NKAIN3: variants seen among roughly 807,000 people sequenced by gnomAD.
The protein encoded by NKAIN3 is sodium/potassium transporting ATPase interacting 3, also known as sodium/potassium-transporting ATPase subunit beta-1-interacting protein 3.
Under a neutral mutation model 30.2 loss-of-function variants are expected in NKAIN3, and 25 were observed. The observed-to-expected ratio is 0.83, with a 90% CI of 0.60 to 1.16. The LOEUF (loss-of-function observed/expected upper bound fraction) is 1.16. NKAIN3 is among the 50% of genes most tolerant of loss of function. NKAIN3 has a pLI of 0.00. For missense variants in NKAIN3, 225 were observed against 254.1 expected (o/e 0.89, Z 0.78); for synonymous variants, 91 against 89.6 (o/e 1.02, Z -0.09).
At chr8:62,746,862 TA>T in intron 3 of NKAIN3, 69 bp from the exon 4 acceptor site, 1 of 1,115,416 alleles carries the variant, frequency 9.0e-7, no homozygotes, top group Non-Finnish European at 1.3e-6. Context: ...GAATTCTTCC[TA>T]AGGTCAAAGT....
intron 1 of NKAIN3, among the ~76,000 whole-genome samples, chr8:62,571,500 G>A (rs1809938077): frequency 6.6e-6 from 1 of 152,060 alleles, no homozygotes; most frequent in Non-Finnish European, 1.5e-5. Context: ...CCATTCTGGG[G>A]TCTGGAGGAT....
chr8:62,801,380 G>A (rs1003888860), intron 4 of NKAIN3, among the ~76,000 whole-genome samples: 2 of 152,294 alleles, frequency 1.3e-5, no homozygotes, highest in East Asian at 3.9e-4. Context: ...GATAGGGGCA[G>A]ACTGACACCT....
intron 4 of NKAIN3, among the ~76,000 whole-genome samples, chr8:62,813,073 T>C (rs1029000714): frequency 6.6e-6 from 1 of 151,958 alleles, no homozygotes; most frequent in African/African-American, 2.4e-5. Context: ...TGATATCCAA[T>C]TTTCCTGGCA....
At chr8:62,352,166 A>ATGTTTAG (rs895158402) in intron 1 of NKAIN3, among the ~76,000 whole-genome samples, 4 of 152,096 alleles carry the variant, frequency 2.6e-5, no homozygotes, top group African/African-American at 9.7e-5. Flanking sequence ...GCAGGAAGGG[A>ATGTTTAG]TGTTTAGGGA....
intron 4 of NKAIN3, among the ~76,000 whole-genome samples, chr8:62,759,844 G>C (rs566844911): frequency 3.3e-4 from 50 of 152,150 alleles, no homozygotes; most frequent in African/African-American, 1.1e-3. Context: ...TACAAAATGG[G>C]AGAAAATTTT....
At chr8:62,656,974 T>C (rs1379567667) in intron 3 of NKAIN3, among the ~76,000 whole-genome samples, 1 of 152,204 alleles carries the variant, frequency 6.6e-6, no homozygotes, top group African/African-American at 2.4e-5. Context: ...CAAAAGGGTA[T>C]TCTTTGTGTT....
Position 62,316,493 on chromosome 8 carries a change from T to A in NKAIN3, c.54+67366T>A, listed in dbSNP as rs1005752327. On this transcript the variant is annotated intron_variant, in intron 1 of 6. Transcript: ENST00000623646. The stretch of plus-strand genomic sequence containing the variant: ...CCTTCCTGTGTCCATGTGTTCTCAT[T>A]GTTCAATTCCCACCTATAAGTGAGA... Among the ~76,000 whole-genome samples the A allele has an allele frequency of 5.3e-5, 8 of 152,016 alleles. No homozygotes were observed. The East Asian group carries it at 1.5e-3, about 29-fold the overall frequency.
At chr8:62,394,286 T>C (rs1563378335) in intron 1 of NKAIN3, among the ~76,000 whole-genome samples, 1 of 152,310 alleles carries the variant, frequency 6.6e-6, no homozygotes, top group East Asian at 1.9e-4. Flanking sequence ...TCTTGTTAAA[T>C]GTTTTTTCTT....
At chr8:62,523,788 T>A (rs927960623) in intron 1 of NKAIN3, among the ~76,000 whole-genome samples, 1 of 151,974 alleles carries the variant, frequency 6.6e-6, no homozygotes, top group African/African-American at 2.4e-5. Context: ...CCATAGCAAG[T>A]GTGTATCGCG....
At chr8:62,302,535 T>TGG (rs1424753743) in intron 1 of NKAIN3, among the ~76,000 whole-genome samples, 1 of 152,118 alleles carries the variant, frequency 6.6e-6, no homozygotes, top group African/African-American at 2.4e-5. Context: ...GCTTATACTT[T>TGG]GTTATAGTCA....
At chr8:62,846,123 TA>T (rs200911559) in intron 4 of NKAIN3, among the ~76,000 whole-genome samples, 1,567 of 151,760 alleles carry the variant, frequency 0.01, 21 homozygotes, top group African/African-American at 0.036. Flanking sequence ...GGAATAAAGA[TA>T]AAAAAAACAC....
chr8:62,385,851 CTGTGTGCATCAGTA>C (rs1169475790), intron 1 of NKAIN3, among the ~76,000 whole-genome samples: 3 of 152,302 alleles, frequency 2.0e-5, no homozygotes, highest in African/African-American at 7.2e-5. Context: ...TCATAGGTTA[CTGTGTGCATCAGTA>C]TGTGTGAAAT....
intron 1 of NKAIN3, among the ~76,000 whole-genome samples, chr8:62,382,939 G>A (rs62509213): frequency 0.14 from 21,028 of 152,108 alleles, 1,735 homozygotes; most frequent in East Asian, 0.4. Context: ...CTTTAATGGT[G>A]TAATCTTCAC....
rs558677186 is a variant in NKAIN3 at position 62,429,214 on chromosome 8, G to A, written c.55-150325G>A. Among the ~76,000 whole-genome samples, 7 of 151,856 alleles carry A rather than the reference G, an allele frequency of 4.6e-5. No homozygotes were observed. The South Asian group carries it at 8.3e-4, about 18-fold the overall frequency. ...TAGTGAAAGTGGGCATACTTGTCTCGTTCCATTCACAGTGACGCTTGCTAT... is the reference window on the plus strand; with the variant it reads ...TAGTGAAAGTGGGCATACTTGTCTCATTCCATTCACAGTGACGCTTGCTAT... On this transcript the variant is annotated intron_variant, in intron 1 of 6. Transcript: ENST00000623646.
At chr8:62,525,570 T>C (rs894107450) in intron 1 of NKAIN3, among the ~76,000 whole-genome samples, 3 of 152,130 alleles carry the variant, frequency 2.0e-5, no homozygotes, top group Non-Finnish European at 4.4e-5. Context: ...TGCAAAAGAA[T>C]ATAAATCATT....
intron 3 of NKAIN3, among the ~76,000 whole-genome samples, chr8:62,613,323 G>A (rs1387359275): frequency 6.6e-6 from 1 of 152,098 alleles, no homozygotes; most frequent in Admixed American, 6.6e-5. Flanking sequence ...TTTTCCTTCA[G>A]GGCTTTAAAT....
chr8:62,620,878 C>T (rs997494356), intron 3 of NKAIN3, among the ~76,000 whole-genome samples: 5 of 151,864 alleles, frequency 3.3e-5, no homozygotes, highest in African/African-American at 1.2e-4. Flanking sequence ...CAGGCCAAGC[C>T]TATAAACGCC....
chr8:62,849,752 G>C (rs370231495), intron 4 of NKAIN3, among the ~76,000 whole-genome samples: 12 of 151,850 alleles, frequency 7.9e-5, no homozygotes, highest in African/African-American at 1.9e-4. Flanking sequence ...ATGGTTTCCA[G>C]CTTCATGCAT....
chr8:62,424,300 A>G (rs1169436176), intron 1 of NKAIN3, among the ~76,000 whole-genome samples: 1 of 152,006 alleles, frequency 6.6e-6, no homozygotes, highest in Non-Finnish European at 1.5e-5. Context: ...CAAGAAAAGC[A>G]AATATAGACA....
Sources: allele counts gnomAD v4.1 joint callset (sites outside exome capture counted in the v4.1 genomes callset), GRCh38; gene constraint gnomAD v4.1.1; transcripts MANE v1.5; gene names NCBI Gene and HGNC (gene_info 2026-07-23, HGNC 2026-07-21).